The following RPRD1B variants were observed in gnomAD, a reference collection of about 807,000 sequenced individuals.
RPRD1B encodes the protein regulation of nuclear pre-mRNA domain-containing protein 1B.
In RPRD1B, 11 loss-of-function variants were observed where a neutral mutation model predicts 41.5. That is an observed-to-expected ratio of 0.27 (90% CI 0.17 to 0.44). The LOEUF (loss-of-function observed/expected upper bound fraction) is 0.44. RPRD1B is among the 20% of genes least tolerant of loss of function. The pLI is 1.00. For synonymous variants in RPRD1B, 158 were observed against 155.6 expected, an observed-to-expected ratio of 1.02 and a Z score of -0.12; for missense variants, 248 against 389.9, an observed-to-expected ratio of 0.64 and a Z score of 3.06.
chr20:38,091,350 T>C lies in RPRD1B; in HGVS notation c.*1475T>C, dbSNP rs2074610314. 1.0e-6 allele frequency: 1 copy of C among 985,432 alleles called. No individual in the cohort carries two copies. Among genetic ancestry groups the C allele is most frequent in the African/African-American group, 1.7e-5 (1 of 57,226 alleles). 61.0% of individuals were successfully genotyped at this position (985,432 alleles called of 1,614,324 possible). On this transcript the variant is annotated 3_prime_UTR_variant, in exon 7 of 7. Transcript: ENST00000373433. ...AAACATAACCTATGTTTATAAAGCA[T>C]AACGGGCTTCCCTTCCAGAAGCTCT...
intron 6 of RPRD1B, among the ~76,000 whole-genome samples, chr20:38,084,644 C>G (rs2074544209): frequency 6.6e-6 from 1 of 152,182 alleles, no homozygotes; most frequent in South Asian, 2.1e-4. Flanking sequence ...GCCCTGCTCT[C>G]TTCAGCAAAT....
At chr20:38,086,314 G>A (rs978211611) in intron 6 of RPRD1B, among the ~76,000 whole-genome samples, 7 of 152,170 alleles carry the variant, frequency 4.6e-5, no homozygotes, top group Non-Finnish European at 7.3e-5. Context: ...ATTCGAGCCT[G>A]CTTGCCTCTC....
Position 38,048,450 on chromosome 20 carries a change from T to G in RPRD1B, c.384T>G (p.Ser128=). The stretch of plus-strand genomic sequence containing the variant: ...AGTTCATACAGCAGCTGAAGCTGTC[T>G]ATGGAGGACTCCAAGAGCCCTCCCC... ...GGEFIQQLKL[S]MEDSKSPPPK... Residue 128 remains serine (S), a synonymous_variant, in exon 3 of 7, where the codon TCT becomes TCG. Transcript: ENST00000373433. 1.2e-6 allele frequency: 2 copies of G among 1,612,754 alleles called. No homozygotes were observed.
intron 2 of RPRD1B, among the ~76,000 whole-genome samples, chr20:38,046,537 A>G (rs993299806): frequency 1.3e-5 from 2 of 152,242 alleles, no homozygotes; most frequent in Non-Finnish European, 2.9e-5. Context: ...ACAGCATACC[A>G]GAAAAGTTGT....
chr20:38,036,123 G>GA (rs1348309996), intron 1 of RPRD1B, among the ~76,000 whole-genome samples: 1 of 151,996 alleles, frequency 6.6e-6, no homozygotes, highest in East Asian at 1.9e-4. Context: ...TTGAGTTACT[G>GA]AAAAAAAGCA....
chr20:38,066,515 A>G (rs540524206), intron 6 of RPRD1B, among the ~76,000 whole-genome samples: 13 of 152,302 alleles, frequency 8.5e-5, no homozygotes, highest in Admixed American at 5.9e-4. Flanking sequence ...GGATCTTAAT[A>G]TTGCTTTCGT....
chr20:38,044,915 G>A (rs1440526191), intron 2 of RPRD1B, among the ~76,000 whole-genome samples: 2 of 152,066 alleles, frequency 1.3e-5, no homozygotes, highest in Non-Finnish European at 2.9e-5. Flanking sequence ...GGCCTGCTGT[G>A]CATGAGATAA....
At chr20:38,088,992 G>A (rs2074588350) in intron 6 of RPRD1B, among the ~76,000 whole-genome samples, 1 of 152,192 alleles carries the variant, frequency 6.6e-6, no homozygotes. Flanking sequence ...CAGACAAAGA[G>A]GGTTAGGAGG....
At chr20:38,055,257 T>A (rs1189734474) in intron 3 of RPRD1B, among the ~76,000 whole-genome samples, 1 of 152,238 alleles carries the variant, frequency 6.6e-6, no homozygotes, top group African/African-American at 2.4e-5. Flanking sequence ...TGTGTTTTCT[T>A]TGTAACAAAC....
chr20:38,041,928 G>C (rs2074070176), intron 2 of RPRD1B, among the ~76,000 whole-genome samples: 1 of 152,196 alleles, frequency 6.6e-6, no homozygotes, highest in African/African-American at 2.4e-5. Context: ...GCACAGAGCT[G>C]CTGAGTTATG....
Position 38,034,167 on chromosome 20 carries a change from C to T in RPRD1B, c.151+69C>T, listed in dbSNP as rs527593256. On this transcript the variant is annotated intron_variant, in intron 1 of 6. Transcript: ENST00000373433. ...CTCTCGCCCACATACAACCTAGGCCCCTCTAAGCCTCTTCATTGAGCCTTG... is the reference window on the plus strand; with the variant it reads ...CTCTCGCCCACATACAACCTAGGCCTCTCTAAGCCTCTTCATTGAGCCTTG... The T allele has an allele frequency of 2.7e-6, 4 of 1,484,186 alleles. No individual in the cohort carries two copies. In the African/African-American group the frequency reaches 5.6e-5, roughly 21 times the overall value. The allele number at this position is 1,484,186 out of a possible 1,614,324, so 91.9% of individuals were successfully genotyped here.
chr20:38,040,306 A>G (rs549830150), intron 1 of RPRD1B, 129 bp from the exon 2 acceptor site: 7 of 598,936 alleles, frequency 1.2e-5, no homozygotes, highest in East Asian at 3.3e-5. Context: ...CTTTTTAAAC[A>G]TATCTACTTG....
rs554968909 is a variant in RPRD1B, at chr20:38,091,528, T to A, written c.*1653T>A. ...ACACTGCCTGTCGTTCTGTCACTGT[T>A]AAATTAATGAGTCTATAAGGTTTTT... On this transcript the variant is annotated 3_prime_UTR_variant, in exon 7 of 7. Coordinates refer to ENST00000373433, the MANE Select transcript of RPRD1B (RefSeq NM_021215.4). The A allele has an allele frequency of 1.5e-4, 149 of 985,378 alleles. No homozygotes were observed. The highest frequency in any genetic ancestry group is 1.7e-4 in the Non-Finnish European group (145 of 829,900). The allele number at this position is 985,378 out of a possible 1,614,324, so 61.0% of individuals were successfully genotyped here. A position where few individuals can be genotyped will look rare whatever the true frequency, so the allele number is the denominator to read the frequency against.
intron 6 of RPRD1B, among the ~76,000 whole-genome samples, chr20:38,074,491 AC>A (rs1378872114): frequency 6.6e-6 from 1 of 152,248 alleles, no homozygotes. Context: ...TGAAAAAGTG[AC>A]ACGGTTTTAA....
chr20:38,058,785 C>T (rs2074268763), intron 4 of RPRD1B, among the ~76,000 whole-genome samples: 1 of 152,196 alleles, frequency 6.6e-6, no homozygotes, highest in South Asian at 2.1e-4. Flanking sequence ...TAGTTCACTG[C>T]AAACTCAACC....
chr20:38,076,960 A>G (rs2074468200), intron 6 of RPRD1B, among the ~76,000 whole-genome samples: 1 of 110,826 alleles, frequency 9.0e-6, no homozygotes, highest in Non-Finnish European at 1.7e-5. Context: ...GCTGTTGCCC[A>G]GGCTGTAGTG....
At chr20:38,084,138 T>A (rs2074539353) in intron 6 of RPRD1B, among the ~76,000 whole-genome samples, 1 of 152,154 alleles carries the variant, frequency 6.6e-6, no homozygotes, top group South Asian at 2.1e-4. Context: ...ATGAGGGGGC[T>A]TGGCGGGTGT....
At chr20:38,065,711 G>A (rs1024622488) in intron 5 of RPRD1B, among the ~76,000 whole-genome samples, 5 of 152,180 alleles carry the variant, frequency 3.3e-5, no homozygotes, top group Non-Finnish European at 7.3e-5. Context: ...GGGGCCAACC[G>A]TAATATAAAT....
intron 6 of RPRD1B, among the ~76,000 whole-genome samples, chr20:38,077,809 GA>G (rs1275909908): frequency 6.6e-6 from 1 of 152,140 alleles, no homozygotes; most frequent in Non-Finnish European, 1.5e-5. Context: ...GATGTGTTCA[GA>G]ATGCAGCTCT....
Sources: gnomAD v4.1 joint callset for allele counts (sites outside exome capture counted in the v4.1 genomes callset) on GRCh38, gnomAD v4.1.1 for gene constraint, MANE v1.5 for transcripts, NCBI Gene and HGNC (gene_info 2026-07-23, HGNC 2026-07-21) for gene names.